Variants in DCC observed in about 807,000 individuals in gnomAD.
DCC encodes DCC netrin 1 receptor, also known as netrin receptor DCC.
In DCC, 58 loss-of-function variants were observed where a neutral mutation model predicts 172.5. The ratio of observed to expected loss-of-function variants is 0.34; its 90% CI spans 0.27 to 0.42. The LOEUF is 0.42. Among genes scored for constraint, DCC ranks in the 10% least tolerant of loss-of-function variants. DCC has a pLI of 1.00. For synonymous variants in DCC, 709 were observed against 644.5 expected (o/e 1.10, Z -1.52); for missense variants, 1,740 against 1,791.0 (o/e 0.97, Z 0.51).
intron 8 of DCC, among the ~76,000 whole-genome samples, chr18:53,164,273 T>C (rs4444404): frequency 0.38 from 58,212 of 151,994 alleles, 12,393 homozygotes; most frequent in East Asian, 0.71. Flanking sequence ...GAGATGAGGT[T>C]TTGCTATGTT....
At chr18:52,842,357 G>A (rs953660200) in intron 2 of DCC, among the ~76,000 whole-genome samples, 4 of 152,162 alleles carry the variant, frequency 2.6e-5, no homozygotes, top group African/African-American at 9.7e-5. Flanking sequence ...GACCTGGAAA[G>A]CTATTCATTT....
chr18:53,299,650 C>T (rs2144767769), intron 12 of DCC, among the ~76,000 whole-genome samples: 1 of 152,280 alleles, frequency 6.6e-6, no homozygotes, highest in African/African-American at 2.4e-5. Flanking sequence ...ATGGGTAAAT[C>T]ATGACTTATT....
chr18:53,496,298 A>G (rs977309553), intron 26 of DCC, among the ~76,000 whole-genome samples: 1 of 152,158 alleles, frequency 6.6e-6, no homozygotes, highest in Non-Finnish European at 1.5e-5. Flanking sequence ...CACTGGTGAT[A>G]CCCAGGCAAA....
chr18:52,968,926 A>G (rs2040978481), intron 5 of DCC, among the ~76,000 whole-genome samples: 1 of 152,116 alleles, frequency 6.6e-6, no homozygotes, highest in Non-Finnish European at 1.5e-5. Context: ...TAAATCAGGC[A>G]ACCCTAAATT....
chr18:52,777,079 T>C (rs1015239744), intron 2 of DCC, among the ~76,000 whole-genome samples: 3 of 152,210 alleles, frequency 2.0e-5, no homozygotes, highest in African/African-American at 7.2e-5. Flanking sequence ...TTTAAAAAAT[T>C]ACCTTATAAA....
In DCC at chr18:52,803,983, T is replaced by G. The variant is rs568161907; in HGVS notation, c.412+51609T>G. ...GGCCAGTCCTTGGGCACCAGCATGG[T>G]GGTGGTGGTGCGAAGGCTGCACCTG... On this transcript the variant is annotated intron_variant, in intron 2 of 28. Transcript: ENST00000442544. 2.6e-5 allele frequency among the ~76,000 whole-genome samples: 4 copies of G among 152,108 alleles called. No individual in the cohort carries two copies. In the East Asian group the frequency reaches 7.7e-4, roughly 29 times the overall value.
chr18:52,731,603 A>T (rs985718478), intron 1 of DCC, among the ~76,000 whole-genome samples: 1 of 152,170 alleles, frequency 6.6e-6, no homozygotes, highest in African/African-American at 2.4e-5. Flanking sequence ...ATACTATATT[A>T]ATACAGTAGA....
chr18:52,673,544 G>A (rs1449614445), intron 1 of DCC, among the ~76,000 whole-genome samples: 1 of 152,140 alleles, frequency 6.6e-6, no homozygotes, highest in African/African-American at 2.4e-5. Flanking sequence ...TTTGTCACTA[G>A]TTTACTCGGA....
chr18:52,517,061 C>T (rs116237519), intron 1 of DCC, among the ~76,000 whole-genome samples: 1 of 152,168 alleles, frequency 6.6e-6, no homozygotes, highest in African/African-American at 2.4e-5. Flanking sequence ...GCTCCACTGG[C>T]TTCCCTTGGC....
chr18:53,452,943 TCTCA>T (rs1439440100), intron 23 of DCC, among the ~76,000 whole-genome samples: 1 of 151,376 alleles, frequency 6.6e-6, no homozygotes, highest in Non-Finnish European at 1.5e-5. Flanking sequence ...TGAGATGGAG[TCTCA>T]CTCTATTGCC....
rs930717446 is a variant in DCC at position 52,491,676 on chromosome 18, G to A, written c.91+150798G>A. On this transcript the variant is annotated intron_variant, in intron 1 of 28. Coordinates refer to ENST00000442544, the MANE Select transcript of DCC (RefSeq NM_005215.4). ...CAATGAAGACAGAAAAATGGAGGGAGAGGAGATGTATTTTGTAGATACAAT... is the reference window on the plus strand; with the variant it reads ...CAATGAAGACAGAAAAATGGAGGGAAAGGAGATGTATTTTGTAGATACAAT... Among the ~76,000 whole-genome samples, 5 of 152,074 alleles carry A rather than the reference G, an allele frequency of 3.3e-5. No individual in the cohort carries two copies. The South Asian group carries it at 6.2e-4, about 19-fold the overall frequency.
intron 1 of DCC, among the ~76,000 whole-genome samples, chr18:52,518,614 A>T (rs1231297629): frequency 6.6e-6 from 1 of 152,194 alleles, no homozygotes; most frequent in East Asian, 1.9e-4. Flanking sequence ...GGCAGTGCAG[A>T]AAGTAGATCT....
At chr18:52,694,246 G>A (rs1234893498) in intron 1 of DCC, among the ~76,000 whole-genome samples, 4 of 152,080 alleles carry the variant, frequency 2.6e-5, no homozygotes, top group African/African-American at 9.7e-5. Flanking sequence ...TCAAGGTGGT[G>A]AAAAAGCAAG....
At chr18:53,086,019 C>A (rs2042879985) in intron 7 of DCC, among the ~76,000 whole-genome samples, 2 of 972 alleles carry the variant, frequency 2.1e-3, no homozygotes, top group Non-Finnish European at 2.0e-3. Context: ...TCTCCTTCTC[C>A]CTCTCCCTCT....
At chr18:52,442,750 A>C (rs548488227) in intron 1 of DCC, among the ~76,000 whole-genome samples, 24 of 152,328 alleles carry the variant, frequency 1.6e-4, no homozygotes, top group Admixed American at 2.6e-4. Context: ...ACTAATTACA[A>C]AGCAAATATA....
chr18:53,431,570 C>G (rs1179404606), intron 21 of DCC, among the ~76,000 whole-genome samples: 1 of 151,986 alleles, frequency 6.6e-6, no homozygotes, highest in South Asian at 2.1e-4. Context: ...TCACTGCAAC[C>G]TCTACCTCCT....
chr18:52,600,997 G>A (rs549828005), intron 1 of DCC, among the ~76,000 whole-genome samples: 6 of 152,042 alleles, frequency 3.9e-5, no homozygotes, highest in Non-Finnish European at 7.4e-5. Flanking sequence ...AATTAATGCA[G>A]TAAACCTTTT....
intron 5 of DCC, among the ~76,000 whole-genome samples, chr18:53,022,998 C>T (rs1201517983): frequency 6.6e-6 from 1 of 151,998 alleles, no homozygotes; most frequent in East Asian, 1.9e-4. Flanking sequence ...TAGGTTAACG[C>T]TATAAATCTC....
chr18:52,498,921 C>T (rs1342666425), intron 1 of DCC, among the ~76,000 whole-genome samples: 1 of 152,100 alleles, frequency 6.6e-6, no homozygotes, highest in Non-Finnish European at 1.5e-5. Context: ...CTCCTGTTAC[C>T]TTGAGAATTA....
Sources: allele counts gnomAD v4.1 joint callset (sites outside exome capture counted in the v4.1 genomes callset), GRCh38; gene constraint gnomAD v4.1.1; transcripts MANE v1.5; gene names NCBI Gene and HGNC (gene_info 2026-07-23, HGNC 2026-07-21).